The following NXN variants were observed in gnomAD, a reference collection of about 807,000 sequenced individuals.
The protein encoded by NXN is nucleoredoxin 1.
NXN carries 16 observed loss-of-function variants against 48.6 expected under a neutral mutation model. That is an observed-to-expected ratio of 0.33 (90% CI 0.22 to 0.50). The LOEUF is 0.50. Ranked by LOEUF, NXN falls within the 20% of genes least tolerant of loss-of-function variation. The pLI is 0.98. For missense variants in NXN, 492 were observed against 605.5 expected, an observed-to-expected ratio of 0.81 and a Z score of 1.97; for synonymous variants, 281 against 269.6, an observed-to-expected ratio of 1.04 and a Z score of -0.41.
chr17:914,425 C>A (rs1378647844), intron 1 of NXN, among the ~76,000 whole-genome samples: 1 of 152,206 alleles, frequency 6.6e-6, no homozygotes, highest in Non-Finnish European at 1.5e-5. Flanking sequence ...CCGCCACAGC[C>A]TCCCAAAGTG....
intron 1 of NXN, among the ~76,000 whole-genome samples, chr17:846,290 C>T (rs1056515914): frequency 1.0e-4 from 15 of 150,576 alleles, no homozygotes; most frequent in Non-Finnish European, 1.8e-4. Context: ...TGGTGGTGGG[C>T]GCCTGTAATC....
At chr17:933,144 G>T (rs779087099) in intron 1 of NXN, among the ~76,000 whole-genome samples, 14 of 150,278 alleles carry the variant, frequency 9.3e-5, no homozygotes, top group Non-Finnish European at 2.1e-4. Context: ...AAACTCTTGT[G>T]GATCTGATGT....
Position 917,245 on chromosome 17 carries a change from G to A in NXN, c.360+62074C>T, listed in dbSNP as rs541812517. Among the ~76,000 whole-genome samples, 3 of 152,074 alleles carry A rather than the reference G, an allele frequency of 2.0e-5. No individual in the cohort carries two copies. The highest frequency in any genetic ancestry group is 3.9e-4 in the East Asian group (2 of 5,140). On this transcript the variant is annotated intron_variant, in intron 1 of 7. Transcript: ENST00000336868. This position sits in a 1 kb window ranked among gnomAD's most constrained non-coding sequence, Gnocchi z 4.5. ...TGGCCTCCGCCTCGCGGGTTCAAGC[G>A]ATTCTCCTGCCTCAGCCTCCCGAGC...
chr17:915,487 G>A (rs1371374174), intron 1 of NXN, among the ~76,000 whole-genome samples: 59 of 151,472 alleles, frequency 3.9e-4, no homozygotes, highest in Non-Finnish European at 2.1e-4. Flanking sequence ...GTTTTGCCAT[G>A]TTGCCCAGAC....
chr17:935,827 T>C (rs2068902025), intron 1 of NXN, among the ~76,000 whole-genome samples: 1 of 152,078 alleles, frequency 6.6e-6, no homozygotes, highest in South Asian at 2.1e-4. Flanking sequence ...GCGCAGTGAC[T>C]CACGCCTATA....
chr17:939,899 C>A (rs967430778), intron 1 of NXN, among the ~76,000 whole-genome samples: 16 of 152,158 alleles, frequency 1.1e-4, no homozygotes, highest in African/African-American at 3.6e-4. Flanking sequence ...GCGGGCCCTG[C>A]AGTGGGGCAG....
At chr17:941,191 G>A (rs2068970063) in intron 1 of NXN, among the ~76,000 whole-genome samples, 1 of 137,080 alleles carries the variant, frequency 7.3e-6, no homozygotes, top group Non-Finnish European at 1.5e-5. Flanking sequence ...GATTTACAGT[G>A]AACAAGATTC....
chr17:864,303 T>C (rs1386123000), intron 1 of NXN, among the ~76,000 whole-genome samples: 3 of 152,220 alleles, frequency 2.0e-5, no homozygotes, highest in Non-Finnish European at 4.4e-5. Flanking sequence ...CTTAATCCAT[T>C]TCCTTCTCAG....
At chr17:931,112 C>T (rs906879823) in intron 1 of NXN, among the ~76,000 whole-genome samples, 7 of 152,100 alleles carry the variant, frequency 4.6e-5, no homozygotes, top group African/African-American at 1.7e-4. Context: ...TCTAGCCTAG[C>T]AGAAAACCAA....
chr17:959,863 C>A (rs190267844), intron 1 of NXN, among the ~76,000 whole-genome samples: 1 of 150,594 alleles, frequency 6.6e-6, no homozygotes, highest in Non-Finnish European at 1.5e-5. Context: ...GAGGCTGAGG[C>A]GGGTGGATTA....
rs537138935 is a variant in NXN, at chr17:856,014, G to A, written c.361-29936C>T. On this transcript the variant is annotated intron_variant, in intron 1 of 7. Coordinates refer to ENST00000336868, the MANE Select transcript of NXN (RefSeq NM_022463.5). ...TCAAGACCATCCTGGCCAACATGGT[G>A]AAACCCTGTCTCTACTAAAAATATA... Among the ~76,000 whole-genome samples the A allele has an allele frequency of 4.2e-3, 644 of 152,248 alleles. 6 individuals carry two copies. Among genetic ancestry groups the A allele is most frequent in the African/African-American group, 0.014 (601 of 41,542 alleles).
At chr17:907,968 G>A (rs542584297) in intron 1 of NXN, 6 of 152,254 alleles carry the variant, frequency 3.9e-5, no homozygotes, top group East Asian at 1.9e-4. Flanking sequence ...CTGAACCTGG[G>A]AGGTCTCAGT....
chr17:944,824 C>T (rs989745145), intron 1 of NXN, among the ~76,000 whole-genome samples: 6 of 152,004 alleles, frequency 3.9e-5, no homozygotes, highest in Admixed American at 6.6e-5. Context: ...ATTGTTAAAT[C>T]GTGGCCAACG....
rs1472266167 is a variant in NXN, at chr17:979,387, G to A, written c.292C>T (p.Arg98Trp). The A allele has an allele frequency of 1.3e-6, 2 of 1,523,076 alleles. No homozygotes were observed. Among genetic ancestry groups the A allele is most frequent in the East Asian group, 2.8e-5 (1 of 35,468 alleles). The allele number at this position is 1,523,076 out of a possible 1,614,324, so 94.3% of individuals were successfully genotyped here. A position where few individuals can be genotyped will look rare whatever the true frequency, so the allele number is the denominator to read the frequency against. ...IVFVSSDQDQRQWQDFVRDMP... is the reference protein window; with the variant it reads ...IVFVSSDQDQWQWQDFVRDMP... ...TCCCGCACGAAGTCCTGCCACTGCC[G>A]CTGGTCCTGGTCCGAGGACACGAAG... The change falls in exon 1 of 8, where the codon CGG (arginine) becomes TGG (tryptophan). Residue 98 changes from arginine to tryptophan, a missense_variant. By Grantham distance (101) the Arg-to-Trp change is moderately radical. Transcript: ENST00000336868.
intron 1 of NXN, among the ~76,000 whole-genome samples, chr17:847,140 G>A (rs183375515): frequency 2.0e-5 from 3 of 152,192 alleles, no homozygotes; most frequent in African/African-American, 4.8e-5. Flanking sequence ...TCTCGGCACC[G>A]TCCGTACCTG....
chr17:921,492 C>T (rs1185946930), intron 1 of NXN, among the ~76,000 whole-genome samples: 2 of 152,168 alleles, frequency 1.3e-5, no homozygotes, highest in Non-Finnish European at 2.9e-5. Flanking sequence ...TGTGGCTTGT[C>T]CTTGGTCCCC....
intron 1 of NXN, among the ~76,000 whole-genome samples, chr17:869,755 T>C (rs2068131799): frequency 6.6e-6 from 1 of 152,212 alleles, no homozygotes; most frequent in Non-Finnish European, 1.5e-5. Flanking sequence ...GACGCTCTTT[T>C]TCACTTCCTC....
chr17:826,336 T>C (rs1913101058), intron 1 of NXN, among the ~76,000 whole-genome samples: 1 of 151,906 alleles, frequency 6.6e-6, no homozygotes, highest in Admixed American at 6.6e-5. Flanking sequence ...TCTGCGACAG[T>C]GTGGGGGACT....
intron 1 of NXN, among the ~76,000 whole-genome samples, chr17:914,637 C>T (rs186021156): frequency 3.5e-4 from 53 of 152,280 alleles, no homozygotes; most frequent in Admixed American, 7.8e-4. Flanking sequence ...TGCTGAGCAT[C>T]GAACCAGGCG....
Sources: gnomAD v4.1 joint callset for allele counts (sites outside exome capture counted in the v4.1 genomes callset) on GRCh38, gnomAD v4.1.1 for gene constraint, Gnocchi (gnomAD v3.1) non-coding constraint, MANE v1.5 for transcripts, NCBI Gene and HGNC (gene_info 2026-07-23, HGNC 2026-07-21) for gene names.